RANBP2: variants seen among roughly 807,000 people sequenced by gnomAD.
The protein encoded by RANBP2 is RAN binding protein 2, also known as E3 SUMO-protein ligase RanBP2.
Under a neutral mutation model 303.6 loss-of-function variants are expected in RANBP2, and 57 were observed. The ratio of observed to expected loss-of-function variants is 0.19; its 90% CI spans 0.15 to 0.23. The LOEUF is 0.23. Among genes scored for constraint, RANBP2 ranks in the 10% least tolerant of loss-of-function variants. The probability of loss-of-function intolerance (pLI) is 1.00; values close to 1 mark genes in which losing one functional copy is unlikely to be tolerated. For synonymous variants in RANBP2, 1,167 were observed against 1,301.5 expected (o/e 0.90, Z 2.23); for missense variants, 3,138 against 3,780.8 (o/e 0.83, Z 4.46).
chr2:109,019,276 C>G, the RANBP2 span, among the ~76,000 whole-genome samples: 1 of 152,204 alleles, frequency 6.6e-6, no homozygotes, highest in African/African-American at 2.4e-5. Context: ...CAGTGCTCCT[C>G]TGTGTGTGGT....
the RANBP2 span, among the ~76,000 whole-genome samples, chr2:109,508,251 C>T: frequency 6.6e-6 from 1 of 152,324 alleles, no homozygotes; most frequent in East Asian, 1.9e-4. Context: ...CTGACTCAGC[C>T]ATTTTGGACA....
At chr2:109,486,141 C>T in the RANBP2 span, among the ~76,000 whole-genome samples, 2 of 152,230 alleles carry the variant, frequency 1.3e-5, no homozygotes, top group Admixed American at 6.5e-5. Flanking sequence ...GACCCCTTCT[C>T]TGTGTCTTGA....
At chr2:109,660,307 T>C in the RANBP2 span, among the ~76,000 whole-genome samples, 1 of 152,146 alleles carries the variant, frequency 6.6e-6, no homozygotes, top group African/African-American at 2.4e-5. Flanking sequence ...TTACATAGGG[T>C]GTAACCAAGT....
chr2:109,240,787 C>T, the RANBP2 span, among the ~76,000 whole-genome samples: 2 of 152,028 alleles, frequency 1.3e-5, no homozygotes, highest in African/African-American at 4.8e-5. Context: ...TCTCTAGACC[C>T]TGAGGGGTTT....
chr2:109,528,692 C>T, the RANBP2 span, among the ~76,000 whole-genome samples: 14 of 152,284 alleles, frequency 9.2e-5, no homozygotes, highest in East Asian at 3.9e-4. Flanking sequence ...GGAGCAGAGG[C>T]GTCCTGCAGA....
At chr2:109,319,855 G>A in the RANBP2 span, among the ~76,000 whole-genome samples, 1 of 152,178 alleles carries the variant, frequency 6.6e-6, no homozygotes, top group African/African-American at 2.4e-5. Context: ...GAGCCAGTAG[G>A]AGTATCAGCC....
At chr2:108,791,229 T>C in the RANBP2 span, among the ~76,000 whole-genome samples, 4 of 152,186 alleles carry the variant, frequency 2.6e-5, no homozygotes, top group Non-Finnish European at 5.9e-5. Flanking sequence ...TTCCAAAAAT[T>C]TCAACTCAGA....
At chr2:109,279,129 A>G in the RANBP2 span, among the ~76,000 whole-genome samples, 1 of 152,182 alleles carries the variant, frequency 6.6e-6, no homozygotes, top group East Asian at 1.9e-4. Context: ...CTGGAAAACC[A>G]TCCATGGGAT....
chr2:109,069,789 C>A, the RANBP2 span, among the ~76,000 whole-genome samples: 1 of 152,160 alleles, frequency 6.6e-6, no homozygotes, highest in Non-Finnish European at 1.5e-5. Context: ...TCAGTTCCTT[C>A]ATTTAGTCTA....
chr2:108,843,016 A>G, the RANBP2 span, among the ~76,000 whole-genome samples: 1 of 152,202 alleles, frequency 6.6e-6, no homozygotes, highest in South Asian at 2.1e-4. Context: ...ATAGAACTCA[A>G]GAAGAGAAGG....
the RANBP2 span, among the ~76,000 whole-genome samples, chr2:109,192,908 T>C: frequency 6.6e-6 from 1 of 152,228 alleles, no homozygotes; most frequent in African/African-American, 2.4e-5. Context: ...TCCAGTGATA[T>C]GCCAGTTACT....
the RANBP2 span, among the ~76,000 whole-genome samples, chr2:109,442,323 A>G: frequency 3.9e-5 from 6 of 152,066 alleles, no homozygotes; most frequent in Non-Finnish European, 7.4e-5. Context: ...AAAAAAAAAA[A>G]AAAGAAAAAA....
At chr2:109,701,832 C>T in the RANBP2 span, among the ~76,000 whole-genome samples, 1 of 152,194 alleles carries the variant, frequency 6.6e-6, no homozygotes, top group Non-Finnish European at 1.5e-5. Flanking sequence ...ATTTTCCTTT[C>T]ACAACCTTTA....
chr2:108,866,563 A>T, the RANBP2 span, among the ~76,000 whole-genome samples: 4 of 152,200 alleles, frequency 2.6e-5, no homozygotes, highest in African/African-American at 9.7e-5. Flanking sequence ...TTTACAGTGC[A>T]GTTATCCTCA....
the RANBP2 span, among the ~76,000 whole-genome samples, chr2:108,815,684 A>T: frequency 6.6e-6 from 1 of 150,620 alleles, no homozygotes; most frequent in East Asian, 1.9e-4. Flanking sequence ...CTGGTCTCGA[A>T]CTCCTAGGGA....
the RANBP2 span, among the ~76,000 whole-genome samples, chr2:109,638,861 T>G: frequency 6.6e-6 from 1 of 152,158 alleles, no homozygotes; most frequent in Admixed American, 6.6e-5. Flanking sequence ...CTTGTAACAC[T>G]CTCTGGTTCT....
the RANBP2 span, among the ~76,000 whole-genome samples, chr2:109,569,159 T>C: frequency 1.3e-5 from 2 of 152,178 alleles, no homozygotes; most frequent in Admixed American, 1.3e-4. Context: ...CTGGGCGTGG[T>C]GGCTCACGCC....
the RANBP2 span, among the ~76,000 whole-genome samples, chr2:108,847,512 A>G: frequency 6.6e-6 from 1 of 152,210 alleles, no homozygotes; most frequent in Admixed American, 6.5e-5. Context: ...CCCTGCACCT[A>G]GTGTAGTGCT....
chr2:109,042,840 T>G, the RANBP2 span, among the ~76,000 whole-genome samples: 1 of 152,212 alleles, frequency 6.6e-6, no homozygotes, highest in African/African-American at 2.4e-5. Flanking sequence ...AATGGTCTTA[T>G]TCTACTGAAT....
Sources: allele counts gnomAD v4.1 joint callset (sites outside exome capture counted in the v4.1 genomes callset), GRCh38; gene constraint gnomAD v4.1.1; transcripts MANE v1.5; gene names NCBI Gene and HGNC (gene_info 2026-07-23, HGNC 2026-07-21).